Variants in FARP2 observed in about 807,000 individuals in gnomAD.
The protein encoded by FARP2 is FERM, ARH/RhoGEF and pleckstrin domain protein 2.
Under a neutral mutation model 130.5 loss-of-function variants are expected in FARP2, and 111 were observed. That is an observed-to-expected ratio of 0.85 (90% CI 0.73 to 1.00). FARP2 has a LOEUF of 1.00. Among genes scored for constraint, FARP2 ranks in the 50% least tolerant of loss-of-function variants. FARP2 has a pLI of 0.00. For missense variants in FARP2, 1,385 were observed against 1,346.3 expected (o/e 1.03, Z -0.45); for synonymous variants, 504 against 516.9 (o/e 0.98, Z 0.34).
Position 241,402,863 on chromosome 2 carries a change from T to C in FARP2, c.184-965T>C, listed in dbSNP as rs1277638139. 6.4e-4 allele frequency among the ~76,000 whole-genome samples: 10 copies of C among 15,634 alleles called. No individual in the cohort carries two copies. In the East Asian group the frequency reaches 0.017, roughly 27 times the overall value. 10.3% of individuals were successfully genotyped at this position (15,634 alleles called of 152,430 possible). On this transcript the variant is annotated intron_variant, in intron 2 of 26. Coordinates refer to ENST00000264042, the MANE Select transcript of FARP2 (RefSeq NM_014808.4). ...ATATATATATATATATATATATATA[T>C]ATATATATATATATATATTTTTTTT...
chr2:241,403,841 G>T lies in FARP2; in HGVS notation c.197G>T (p.Gly66Val). Residue 66 changes from glycine to valine, a missense_variant, in exon 3 of 27, where the codon GGC (glycine) becomes GTC (valine). Physicochemically the swap from Gly to Val is moderately radical, Grantham distance 109. Transcript: ENST00000264042. ...EIFDIEPKCD[G>V]QVLLTQVWKR... Reference sequence around the variant, plus strand: ...CTCTCTGCACAGCCTAAATGCGATGGCCAGGTATTACTGACACAAGTGTGG... The same window carrying T: ...CTCTCTGCACAGCCTAAATGCGATGTCCAGGTATTACTGACACAAGTGTGG... 6.2e-7 allele frequency: 1 copy of T among 1,611,892 alleles called. No homozygotes were observed. Among genetic ancestry groups the T allele is most frequent in the Non-Finnish European group, 8.5e-7 (1 of 1,178,114 alleles).
intron 12 of FARP2, among the ~76,000 whole-genome samples, chr2:241,439,600 A>T (rs367657044): frequency 6.6e-6 from 1 of 152,108 alleles, no homozygotes; most frequent in East Asian, 1.9e-4. Context: ...AAGTGCTGGG[A>T]TTACAGGCGT....
chr2:241,437,658 A>ATTTTTTTTTTTT (rs1478318608), intron 12 of FARP2, among the ~76,000 whole-genome samples: 9 of 134,340 alleles, frequency 6.7e-5, no homozygotes, highest in African/African-American at 1.6e-4. Flanking sequence ...ATATTTATTT[A>ATTTTTTTTTTTT]TTTATTTATT....
intron 18 of FARP2, among the ~76,000 whole-genome samples, chr2:241,469,674 G>T (rs1559801307): frequency 6.6e-6 from 1 of 152,204 alleles, no homozygotes; most frequent in Non-Finnish European, 1.5e-5. Context: ...CTCATTGTCA[G>T]TCATTATACC....
At chr2:241,409,038 T>TGATTAGATA (rs150148072) in intron 5 of FARP2, among the ~76,000 whole-genome samples, 28 of 146,048 alleles carry the variant, frequency 1.9e-4, no homozygotes, top group Non-Finnish European at 2.8e-4. Context: ...GATAGATAGA[T>TGATTAGATA]GATAGATAGA....
chr2:241,367,277 A>G (rs2061338914), intron 1 of FARP2, among the ~76,000 whole-genome samples: 1 of 152,074 alleles, frequency 6.6e-6, no homozygotes, highest in Non-Finnish European at 1.5e-5. Context: ...GTGTGTTTTT[A>G]TGCAGCAGTG....
intron 8 of FARP2, among the ~76,000 whole-genome samples, chr2:241,428,384 GCCA>G (rs1162195846): frequency 6.6e-6 from 1 of 151,452 alleles, no homozygotes; most frequent in Non-Finnish European, 1.5e-5. Flanking sequence ...ACAGGCACTG[GCCA>G]CCATGTCCAG....
chr2:241,412,471 A>C lies in FARP2; in HGVS notation c.509-836A>C, dbSNP rs141737645. Among the ~76,000 whole-genome samples, 187 of 151,574 alleles carry C rather than the reference A, an allele frequency of 1.2e-3. 1 individual carries two copies. The highest frequency in any genetic ancestry group is 4.3e-3 in the African/African-American group (177 of 41,282). The stretch of plus-strand genomic sequence containing the variant: ...TCTCAAATGGCTCAAAGGAGAAAAA[A>C]CTCTTGTACTGTGCTTGTAACTTCT... On this transcript the variant is annotated intron_variant, in intron 6 of 26. Coordinates refer to ENST00000264042, the MANE Select transcript of FARP2 (RefSeq NM_014808.4).
At chr2:241,375,251 C>G (rs781110154) in intron 2 of FARP2, among the ~76,000 whole-genome samples, 11 of 152,032 alleles carry the variant, frequency 7.2e-5, no homozygotes, top group Non-Finnish European at 1.3e-4. Context: ...GCGCCCAGCC[C>G]CAAATCTTTT....
At chr2:241,436,344 C>G (rs2063229685) in intron 11 of FARP2, 137 bp from the exon 12 acceptor site, 2 of 708,510 alleles carry the variant, frequency 2.8e-6, no homozygotes, top group East Asian at 2.5e-5. Context: ...TTCTCCTGCC[C>G]CTTTCAAGTT....
intron 2 of FARP2, among the ~76,000 whole-genome samples, chr2:241,394,419 G>A (rs954581456): frequency 1.3e-5 from 2 of 151,796 alleles, no homozygotes; most frequent in Non-Finnish European, 2.9e-5. Context: ...TCAGGAGGCT[G>A]AGGCAGGAGA....
rs777486994 is a variant in FARP2, at chr2:241,403,846, G to C, written c.202G>C (p.Val68Leu). 8.1e-6 allele frequency: 13 copies of C among 1,612,870 alleles called. No individual in the cohort carries two copies. The highest frequency in any genetic ancestry group is 1.6e-4 in the Middle Eastern group (1 of 6,084). The change falls in exon 3 of 27, where the codon GTA becomes CTA. Residue 68 changes from valine (V) to leucine (L), a missense_variant. Transcript: ENST00000264042. Reference sequence around the variant, plus strand: ...TGCACAGCCTAAATGCGATGGCCAGGTATTACTGACACAAGTGTGGAAGCG... The same window carrying C: ...TGCACAGCCTAAATGCGATGGCCAGCTATTACTGACACAAGTGTGGAAGCG... The part of the protein sequence containing the change: ...FDIEPKCDGQ[V>L]LLTQVWKRLN...
At chr2:241,485,740 C>T (rs2064736960) in intron 21 of FARP2, among the ~76,000 whole-genome samples, 1 of 148,864 alleles carries the variant, frequency 6.7e-6, no homozygotes, top group South Asian at 2.2e-4. Context: ...CTGGGGTCCT[C>T]CTTTGCTCCC....
At chr2:241,436,139 G>C (rs1158505771) in intron 11 of FARP2, among the ~76,000 whole-genome samples, 1 of 150,874 alleles carries the variant, frequency 6.6e-6, no homozygotes, top group African/African-American at 2.4e-5. Context: ...GTCTTGATCT[G>C]ACCTCGTGAT....
intron 20 of FARP2, 86 bp from the exon 21 acceptor site, chr2:241,484,156 A>G (rs2064695570): frequency 6.3e-7 from 1 of 1,587,136 alleles, no homozygotes; most frequent in Non-Finnish European, 8.6e-7. Flanking sequence ...TGATGTCCAC[A>G]TGATGAGCAG....
intron 7 of FARP2, among the ~76,000 whole-genome samples, chr2:241,416,874 A>C (rs1335433280): frequency 6.6e-6 from 1 of 151,990 alleles, no homozygotes; most frequent in Non-Finnish European, 1.5e-5. Context: ...ATGCCACTAC[A>C]CTCCAGCCTG....
chr2:241,484,158 G>A, intron 20 of FARP2, 84 bp from the exon 21 acceptor site: 1 of 1,588,306 alleles, frequency 6.3e-7, no homozygotes, highest in Non-Finnish European at 8.6e-7. Flanking sequence ...ATGTCCACAT[G>A]ATGAGCAGCC....
intron 9 of FARP2, 90 bp downstream of exon 9, chr2:241,431,864 A>G (rs1157458045): frequency 2.9e-6 from 1 of 346,178 alleles, no homozygotes; most frequent in Non-Finnish European, 4.6e-6. Context: ...CTTGTTGCCC[A>G]GGCTGGAGTG....
intron 18 of FARP2, among the ~76,000 whole-genome samples, chr2:241,469,177 C>T (rs2064248322): frequency 6.6e-6 from 1 of 151,782 alleles, no homozygotes; most frequent in South Asian, 2.1e-4. Flanking sequence ...ATCTCCACTT[C>T]CCGGGTTCAA....
Sources: gnomAD v4.1 joint callset for allele counts (sites outside exome capture counted in the v4.1 genomes callset) on GRCh38, gnomAD v4.1.1 for gene constraint, MANE v1.5 for transcripts, NCBI Gene and HGNC (gene_info 2026-07-23, HGNC 2026-07-21) for gene names.